Variants in LZTS1 observed in about 807,000 individuals in gnomAD.
LZTS1 encodes leucine zipper putative tumor suppressor 1.
A neutral mutation model predicts 45.8 loss-of-function variants in LZTS1; 31 were observed. That is an observed-to-expected ratio of 0.68 (90% CI 0.51 to 0.91). The LOEUF (loss-of-function observed/expected upper bound fraction) is 0.91. Ranked by LOEUF, LZTS1 falls within the 40% of genes least tolerant of loss-of-function variation. LZTS1 has a pLI of 0.00. For synonymous variants in LZTS1, 359 were observed against 357.3 expected, an observed-to-expected ratio of 1.00 and a Z score of -0.05; for missense variants, 821 against 788.9, an observed-to-expected ratio of 1.04 and a Z score of -0.49.
chr8:20,255,949 C>T (rs539627084), intron 1 of LZTS1, among the ~76,000 whole-genome samples: 2 of 150,554 alleles, frequency 1.3e-5, no homozygotes, highest in South Asian at 2.1e-4. Context: ...GTGGTGCACA[C>T]CTGTAATCCC....
chr8:20,275,736 G>C (rs1800567858), intron 1 of LZTS1: 1 of 152,534 alleles, frequency 6.6e-6, no homozygotes, highest in Non-Finnish European at 1.5e-5. Flanking sequence ...ACTGGGCAGA[G>C]AGAAGGGGCC....
At position 20,254,920 on chromosome 8, in the gene LZTS1, C is replaced by G. The variant is rs775466708; in HGVS notation, c.262G>C (p.Gly88Arg). 6.2e-7 allele frequency: 1 copy of G among 1,614,224 alleles called. No homozygotes were observed. Among genetic ancestry groups the G allele is most frequent in the South Asian group, 1.1e-5 (1 of 91,082 alleles). The change falls in exon 2 of 4, where the codon GGG (glycine) becomes CGG (arginine). Residue 88 changes from glycine (G) to arginine (R), a missense_variant. Transcript: ENST00000381569. ...HHPDYTALSSGDLGGQAGVDF... is the reference protein window; with the variant it reads ...HHPDYTALSSRDLGGQAGVDF... ...ACCCCAGCCTGGCCCCCTAAATCCC[C>G]GCTGGACAGTGCCGTGTAATCTGGG...
intron 1 of LZTS1, among the ~76,000 whole-genome samples, chr8:20,274,961 C>CTGTG (rs34482608): frequency 1.1e-4 from 14 of 125,628 alleles, no homozygotes; most frequent in African/African-American, 3.2e-4. Context: ...TGCCATGATA[C>CTGTG]TGTGTGTGTG....
chr8:20,257,112 G>C (rs149564493), intron 1 of LZTS1, among the ~76,000 whole-genome samples: 308 of 152,338 alleles, frequency 2.0e-3, no homozygotes, highest in African/African-American at 7.1e-3. Context: ...CACTTTGGGA[G>C]GCCAAGGTGG....
chr8:20,280,036 C>T (rs1800658055), intron 1 of LZTS1, among the ~76,000 whole-genome samples: 1 of 151,852 alleles, frequency 6.6e-6, no homozygotes, highest in South Asian at 2.1e-4. Flanking sequence ...ACTTCCATCC[C>T]AAGAAGTAGA....
At chr8:20,284,593 C>T (rs79509042) in intron 1 of LZTS1, among the ~76,000 whole-genome samples, 5,345 of 152,126 alleles carry the variant, frequency 0.035, 125 homozygotes, top group East Asian at 0.11. Flanking sequence ...TTCACTTTTA[C>T]GTGTACATTG....
intron 1 of LZTS1, among the ~76,000 whole-genome samples, chr8:20,281,500 G>C (rs569660116): frequency 6.6e-6 from 1 of 152,178 alleles, no homozygotes; most frequent in Non-Finnish European, 1.5e-5. Flanking sequence ...TTGCACCTGA[G>C]GCAGAAGTTG....
chr8:20,301,362 T>C (rs1317326358), intron 1 of LZTS1, among the ~76,000 whole-genome samples: 1 of 152,114 alleles, frequency 6.6e-6, no homozygotes, highest in African/African-American at 2.4e-5. Context: ...CCCGCAGGGC[T>C]GCAGTGAAAA....
At chr8:20,250,702 G>A (rs1370962440) in intron 3 of LZTS1, among the ~76,000 whole-genome samples, 1 of 152,050 alleles carries the variant, frequency 6.6e-6, no homozygotes, top group Non-Finnish European at 1.5e-5. Context: ...CCTCCCCTCT[G>A]ATTCTCCTGC....
chr8:20,251,636 GA>G (rs1482139605), intron 3 of LZTS1, among the ~76,000 whole-genome samples: 1 of 152,148 alleles, frequency 6.6e-6, no homozygotes, highest in Non-Finnish European at 1.5e-5. Flanking sequence ...TTTGATGGGG[GA>G]TAGGGGTGGA....
In LZTS1 at chr8:20,252,809, G is replaced by C. The variant is rs1225030893; in HGVS notation, c.1122C>G (p.Gly374=). 1 of 1,534,454 alleles carries C rather than the reference G, an allele frequency of 6.5e-7. No homozygotes were observed. Among genetic ancestry groups the C allele is most frequent in the Admixed American group, 2.1e-5 (1 of 47,136 alleles). Residue 374 remains glycine (G), a synonymous_variant, in exon 3 of 4, where the codon GGC becomes GGG. Coordinates refer to ENST00000381569, the MANE Select transcript of LZTS1 (RefSeq NM_021020.5). ...CCCACTGGGTCTCCTCCAGCGCGGG[G>C]CCGAAGCTGGTCTTCTCCCTCTCGT... ...RSYEREKTSF[G]PALEETQWEV...
chr8:20,273,142 C>A (rs1042097420), intron 1 of LZTS1, among the ~76,000 whole-genome samples: 1 of 152,154 alleles, frequency 6.6e-6, no homozygotes, highest in African/African-American at 2.4e-5. Context: ...GCAAACTTGA[C>A]CTCTCGGCGG....
chr8:20,283,972 C>T (rs1412845910), intron 1 of LZTS1, among the ~76,000 whole-genome samples: 1 of 152,190 alleles, frequency 6.6e-6, no homozygotes, highest in East Asian at 1.9e-4. Flanking sequence ...TATAGGAAAT[C>T]TCAGGGTTGC....
Position 20,249,419 on chromosome 8 carries a change from A to G in LZTS1, c.*303T>C, listed in dbSNP as rs1449661204. 2 of 321,076 alleles carry G rather than the reference A, an allele frequency of 6.2e-6. No individual in the cohort carries two copies. Among genetic ancestry groups the G allele is most frequent in the African/African-American group, 4.2e-5 (2 of 47,318 alleles). The allele number at this position is 321,076 out of a possible 1,614,324, so 19.9% of individuals were successfully genotyped here. ...CTTCCCTGGAGGAGGGGGAGAGGAT[A>G]TCTATTTCGAACAAAGGCCAAAGTT... On this transcript the variant is annotated 3_prime_UTR_variant, in exon 4 of 4. Coordinates refer to ENST00000381569, the MANE Select transcript of LZTS1 (RefSeq NM_021020.5).
chr8:20,268,240 A>T (rs1800401547), intron 1 of LZTS1, among the ~76,000 whole-genome samples: 1 of 141,748 alleles, frequency 7.1e-6, no homozygotes, highest in Admixed American at 7.2e-5. Flanking sequence ...TCTTGCAGAG[A>T]TGTGAGAACA....
chr8:20,250,599 C>T (rs1300464872), intron 3 of LZTS1, among the ~76,000 whole-genome samples: 1 of 152,118 alleles, frequency 6.6e-6, no homozygotes, highest in African/African-American at 2.4e-5. Flanking sequence ...TATAATGACA[C>T]ATAGTATATT....
intron 1 of LZTS1, among the ~76,000 whole-genome samples, chr8:20,294,299 T>C (rs576879712): frequency 6.6e-6 from 1 of 152,340 alleles, no homozygotes; most frequent in South Asian, 2.1e-4. Flanking sequence ...CTGGTGCTTC[T>C]AGTTTGATAG....
rs75158293 is a variant in LZTS1, at chr8:20,300,107, G to A, written c.-135+3633C>T. On this transcript the variant is annotated intron_variant, in intron 1 of 3. Coordinates refer to ENST00000381569, the MANE Select transcript of LZTS1 (RefSeq NM_021020.5). ...CCCTCGGACTCCCGAACTGTTGGTG[G>A]GGCCTGAGATGGCCCCATCTAGGGA... Among the ~76,000 whole-genome samples the A allele has an allele frequency of 3.9e-3, 589 of 152,212 alleles. 9 individuals are homozygous for A. Among genetic ancestry groups the A allele is most frequent in the African/African-American group, 0.014 (565 of 41,526 alleles).
At chr8:20,296,375 C>T (rs1800979159) in intron 1 of LZTS1, among the ~76,000 whole-genome samples, 1 of 152,226 alleles carries the variant, frequency 6.6e-6, no homozygotes, top group Admixed American at 6.5e-5. Context: ...TTCTTGTACC[C>T]CTCTTAGGCT....
Sources: gnomAD v4.1 joint callset for allele counts (sites outside exome capture counted in the v4.1 genomes callset) on GRCh38, gnomAD v4.1.1 for gene constraint, MANE v1.5 for transcripts, NCBI Gene and HGNC (gene_info 2026-07-23, HGNC 2026-07-21) for gene names.